The following MACROD2 variants were observed in gnomAD, a reference collection of about 807,000 sequenced individuals.
MACROD2 encodes ADP-ribose glycohydrolase MACROD2.
In MACROD2, 36 loss-of-function variants were observed where a neutral mutation model predicts 70.4. The ratio of observed to expected loss-of-function variants is 0.51; its 90% CI spans 0.39 to 0.68. The LOEUF (loss-of-function observed/expected upper bound fraction) is 0.68, where lower values mean the gene tolerates loss of function less well. Ranked by LOEUF, MACROD2 falls within the 30% of genes least tolerant of loss-of-function variation. The pLI, the probability that MACROD2 is intolerant of heterozygous loss-of-function variation, is 0.00. For synonymous variants in MACROD2, 172 were observed against 178.8 expected, an observed-to-expected ratio of 0.96 and a Z score of 0.30; for missense variants, 496 against 538.4, an observed-to-expected ratio of 0.92 and a Z score of 0.78.
At chr20:15,518,227 G>A (rs1357028165) in intron 8 of MACROD2, among the ~76,000 whole-genome samples, 3 of 152,210 alleles carry the variant, frequency 2.0e-5, no homozygotes, top group South Asian at 2.1e-4. Flanking sequence ...AATACTTCTC[G>A]AGGTCAGATT....
chr20:15,577,120 A>G (rs1306834348), intron 8 of MACROD2, among the ~76,000 whole-genome samples: 1 of 152,188 alleles, frequency 6.6e-6, no homozygotes, highest in Non-Finnish European at 1.5e-5. Context: ...AGAGAAAAGC[A>G]TGAAAATACA....
At position 14,785,172 on chromosome 20, in the gene MACROD2, CAA is replaced by C. The variant is rs1491102801; in HGVS notation, c.418+100215_418+100216del. Among the ~76,000 whole-genome samples, 333 of 151,692 alleles carry C rather than the reference CAA, an allele frequency of 2.2e-3. 4 individuals are homozygous for C. Among genetic ancestry groups the C allele is most frequent in the African/African-American group, 7.6e-3 (312 of 41,208 alleles). On this transcript the variant is annotated intron_variant, in intron 5 of 17. Coordinates refer to ENST00000684519, the MANE Select transcript of MACROD2 (RefSeq NM_001351661.2). ...CCTGTCAGTCTCTCATGAACACACA[CAA>C]ACACACACACACCCACACACACACG...
chr20:15,922,009 C>T (rs1362797743), intron 10 of MACROD2, among the ~76,000 whole-genome samples: 1 of 152,236 alleles, frequency 6.6e-6, no homozygotes, highest in Non-Finnish European at 1.5e-5. Flanking sequence ...TGGTTGAGGG[C>T]TGCTTCTGGG....
Position 14,531,521 on chromosome 20 carries a change from A to G in MACROD2, c.301+38013A>G, listed in dbSNP as rs181555668. ...AGCCCTACTGACACATTGATTTTGGACCTCTGGCCTCCAGAGATGTGACAG... is the reference window on the plus strand; with the variant it reads ...AGCCCTACTGACACATTGATTTTGGGCCTCTGGCCTCCAGAGATGTGACAG... On this transcript the variant is annotated intron_variant, in intron 4 of 17. Transcript: ENST00000684519. Among the ~76,000 whole-genome samples, 72 of 152,154 alleles carry G rather than the reference A, an allele frequency of 4.7e-4. 1 individual carries two copies. In the East Asian group the frequency reaches 0.011, roughly 24 times the overall value.
At chr20:15,365,518 G>A (rs1445339524) in intron 6 of MACROD2, among the ~76,000 whole-genome samples, 1 of 151,804 alleles carries the variant, frequency 6.6e-6, no homozygotes, top group Non-Finnish European at 1.5e-5. Flanking sequence ...AAAATTAGCC[G>A]GGCATGGTGG....
intron 8 of MACROD2, among the ~76,000 whole-genome samples, chr20:15,630,550 T>G (rs2049273341): frequency 6.6e-6 from 1 of 152,226 alleles, no homozygotes; most frequent in South Asian, 2.1e-4. Flanking sequence ...TGCCTCGTAC[T>G]TAGCACAGGA....
intron 8 of MACROD2, among the ~76,000 whole-genome samples, chr20:15,563,904 G>C (rs1422127938): frequency 1.3e-5 from 2 of 152,078 alleles, no homozygotes; most frequent in African/African-American, 4.8e-5. Context: ...ATCAGCGCTG[G>C]AACAAAGGAT....
At chr20:15,103,802 C>G (rs979945220) in intron 5 of MACROD2, among the ~76,000 whole-genome samples, 2 of 151,854 alleles carry the variant, frequency 1.3e-5, no homozygotes, top group Non-Finnish European at 2.9e-5. Context: ...GAGCTGAGAC[C>G]AGAATTGCAT....
chr20:15,503,814 T>G (rs563250638), intron 8 of MACROD2, among the ~76,000 whole-genome samples: 1 of 152,344 alleles, frequency 6.6e-6, no homozygotes, highest in South Asian at 2.1e-4. Flanking sequence ...TTGCATTTTC[T>G]GAAGCTCTTA....
intron 3 of MACROD2, among the ~76,000 whole-genome samples, chr20:14,449,194 G>A (rs2084218186): frequency 6.6e-6 from 1 of 151,964 alleles, no homozygotes; most frequent in East Asian, 1.9e-4. Flanking sequence ...TATGCTAAAT[G>A]CTTGACAGAT....
intron 4 of MACROD2, among the ~76,000 whole-genome samples, chr20:14,586,348 G>A (rs1309205758): frequency 6.6e-6 from 1 of 152,004 alleles, no homozygotes; most frequent in East Asian, 1.9e-4. Context: ...GAATGTTCTA[G>A]ATAGGTTGAT....
chr20:14,425,793 G>A (rs1199851854), intron 3 of MACROD2, among the ~76,000 whole-genome samples: 4 of 152,050 alleles, frequency 2.6e-5, no homozygotes, highest in Admixed American at 2.6e-4. Context: ...TGTTTCCTGT[G>A]TCTCATCTTC....
At chr20:15,246,745 G>T (rs981806081) in intron 6 of MACROD2, among the ~76,000 whole-genome samples, 14 of 152,050 alleles carry the variant, frequency 9.2e-5, no homozygotes, top group Non-Finnish European at 1.9e-4. Context: ...GAGAATATAG[G>T]TCTGCATATA....
At position 15,773,312 on chromosome 20, in the gene MACROD2, C is replaced by T. The variant is rs753658266; in HGVS notation, c.646-89433C>T. 7.7e-4 allele frequency among the ~76,000 whole-genome samples: 117 copies of T among 151,814 alleles called. 2 individuals are homozygous for T. Among genetic ancestry groups the T allele is most frequent in the Non-Finnish European group, 1.6e-4 (11 of 67,960 alleles). On this transcript the variant is annotated intron_variant, in intron 8 of 17. Coordinates refer to ENST00000684519, the MANE Select transcript of MACROD2 (RefSeq NM_001351661.2). ...ATCAGGGAGTGCTATTTTTTTTAATCAGAGAAATATGATGATTCAGTGTTT... is the reference window on the plus strand; with the variant it reads ...ATCAGGGAGTGCTATTTTTTTTAATTAGAGAAATATGATGATTCAGTGTTT...
intron 5 of MACROD2, among the ~76,000 whole-genome samples, chr20:15,192,130 TC>T (rs1158562797): frequency 1.3e-5 from 2 of 151,912 alleles, no homozygotes; most frequent in Non-Finnish European, 2.9e-5. Context: ...ATTAATCCTC[TC>T]TTCCCTTTCC....
chr20:15,046,083 T>C (rs6034093), intron 5 of MACROD2, among the ~76,000 whole-genome samples: 17,568 of 152,078 alleles, frequency 0.12, 2,621 homozygotes, highest in African/African-American at 0.34. Context: ...ATAATGTATA[T>C]ATTTAAGCAT....
At chr20:14,702,624 TACATATATATATGTATATATATATAC>T (rs1568747513) in intron 5 of MACROD2, among the ~76,000 whole-genome samples, 1,723 of 58,480 alleles carry the variant, frequency 0.029, 203 homozygotes, top group African/African-American at 0.069. Flanking sequence ...TATATATATA[TACATATATATATGTATATATATATAC>T]ACATATATAT....
At chr20:16,009,842 G>T (rs1433436751) in intron 15 of MACROD2, among the ~76,000 whole-genome samples, 2 of 152,036 alleles carry the variant, frequency 1.3e-5, no homozygotes, top group Non-Finnish European at 1.5e-5. Context: ...TCTTTCTGCC[G>T]CCCATCCTAT....
chr20:15,411,183 GC>G (rs11475098), intron 6 of MACROD2, among the ~76,000 whole-genome samples: 7,503 of 84,084 alleles, frequency 0.089, 565 homozygotes, highest in African/African-American at 0.24. Context: ...CACACACAAA[GC>G]TGAGAGAGAG....
Sources: gnomAD v4.1 joint callset for allele counts (sites outside exome capture counted in the v4.1 genomes callset) on GRCh38, gnomAD v4.1.1 for gene constraint, MANE v1.5 for transcripts, NCBI Gene and HGNC (gene_info 2026-07-23, HGNC 2026-07-21) for gene names.